Variants in AGBL4 observed in about 807,000 individuals in gnomAD.
AGBL4 encodes the protein cytosolic carboxypeptidase 6.
In AGBL4, 58 loss-of-function variants were observed where a neutral mutation model predicts 66.4. The ratio of observed to expected loss-of-function variants is 0.87; its 90% CI spans 0.71 to 1.09. The LOEUF (loss-of-function observed/expected upper bound fraction) is 1.09, where lower values mean the gene tolerates loss of function less well. AGBL4 is among the 50% of genes least tolerant of loss of function. AGBL4 has a pLI of 0.00. For synonymous variants in AGBL4, 234 were observed against 222.9 expected, an observed-to-expected ratio of 1.05 and a Z score of -0.44; for missense variants, 579 against 631.0, an observed-to-expected ratio of 0.92 and a Z score of 0.88.
intron 5 of AGBL4, among the ~76,000 whole-genome samples, chr1:48,875,036 CA>C (rs1649083424): frequency 6.6e-6 from 1 of 152,122 alleles, no homozygotes; most frequent in Non-Finnish European, 1.5e-5. Context: ...CAACAAATAC[CA>C]ATGAAGCATT....
At chr1:49,754,316 C>A (rs1226028940) in intron 2 of AGBL4, among the ~76,000 whole-genome samples, 2 of 147,640 alleles carry the variant, frequency 1.4e-5, no homozygotes, top group Non-Finnish European at 1.5e-5. Flanking sequence ...TATTATTATA[C>A]TCTAAGTTTT....
chr1:49,887,392 C>G (rs1203852985), intron 1 of AGBL4, among the ~76,000 whole-genome samples: 1 of 151,484 alleles, frequency 6.6e-6, no homozygotes, highest in East Asian at 1.9e-4. Context: ...AGTAGCTACC[C>G]ACAAGACAGC....
intron 3 of AGBL4, among the ~76,000 whole-genome samples, chr1:49,335,508 C>T (rs866836966): frequency 1.3e-5 from 2 of 151,926 alleles, no homozygotes; most frequent in Non-Finnish European, 2.9e-5. Context: ...AGAATAAAAT[C>T]TGAACTTTTT....
chr1:49,919,313 C>T (rs1571871762), intron 1 of AGBL4, among the ~76,000 whole-genome samples: 1 of 152,214 alleles, frequency 6.6e-6, no homozygotes. Flanking sequence ...TTGCAGATGA[C>T]ATAATTGTAC....
At chr1:49,627,472 T>G (rs866814881) in intron 3 of AGBL4, among the ~76,000 whole-genome samples, 1 of 152,094 alleles carries the variant, frequency 6.6e-6, no homozygotes, top group Non-Finnish European at 1.5e-5. Context: ...TCTTTGTTTC[T>G]AATCTTTCCC....
intron 3 of AGBL4, among the ~76,000 whole-genome samples, chr1:49,511,606 TA>T (rs902530171): frequency 2.6e-5 from 4 of 151,430 alleles, no homozygotes; most frequent in South Asian, 2.1e-4. Flanking sequence ...AAAGTATAAT[TA>T]AAAAAAATTT....
At chr1:49,751,551 T>A (rs1044821534) in intron 2 of AGBL4, among the ~76,000 whole-genome samples, 1 of 152,174 alleles carries the variant, frequency 6.6e-6, no homozygotes, top group Non-Finnish European at 1.5e-5. Flanking sequence ...TCTTTTGTGT[T>A]GGATCTCTAC....
At chr1:49,558,679 C>G (rs940924826) in intron 3 of AGBL4, among the ~76,000 whole-genome samples, 1 of 152,128 alleles carries the variant, frequency 6.6e-6, no homozygotes, top group Non-Finnish European at 1.5e-5. Flanking sequence ...TACAGCACCT[C>G]TGGACCTGCC....
At chr1:49,497,343 T>C (rs1417059880) in intron 3 of AGBL4, among the ~76,000 whole-genome samples, 1 of 152,036 alleles carries the variant, frequency 6.6e-6, no homozygotes, top group Non-Finnish European at 1.5e-5. Context: ...GATTGTTTTC[T>C]TTGCAGTGCT....
chr1:48,627,107 G>A (rs1645515768), intron 9 of AGBL4, among the ~76,000 whole-genome samples: 1 of 152,068 alleles, frequency 6.6e-6, no homozygotes, highest in Admixed American at 6.6e-5. Flanking sequence ...CAATGGACTC[G>A]AAAGCCTGTC....
At chr1:49,334,146 A>G (rs534582921) in intron 3 of AGBL4, among the ~76,000 whole-genome samples, 51 of 152,308 alleles carry the variant, frequency 3.3e-4, no homozygotes, top group African/African-American at 1.2e-3. Flanking sequence ...TCCATTCCAT[A>G]CTGACAAGCC....
At chr1:48,583,524 T>C (rs1172007750) in intron 11 of AGBL4, among the ~76,000 whole-genome samples, 2 of 152,222 alleles carry the variant, frequency 1.3e-5, no homozygotes, top group African/African-American at 2.4e-5. Flanking sequence ...GTTTGCATAA[T>C]ACCACATCTA....
intron 1 of AGBL4, among the ~76,000 whole-genome samples, chr1:49,954,733 A>C (rs1211707224): frequency 6.6e-6 from 1 of 151,968 alleles, no homozygotes; most frequent in Non-Finnish European, 1.5e-5. Flanking sequence ...TAGAAGATGC[A>C]ATCCACTCAT....
chr1:48,667,329 T>C (rs867162666), intron 6 of AGBL4, among the ~76,000 whole-genome samples: 18 of 152,316 alleles, frequency 1.2e-4, no homozygotes, highest in African/African-American at 4.1e-4. Context: ...GGAAGCCAAT[T>C]GCTATGTCAT....
downstream of AGBL4, among the ~76,000 whole-genome samples, chr1:48,531,084 G>GGGCTGC (rs906712293): frequency 6.6e-6 from 1 of 152,126 alleles, no homozygotes; most frequent in Non-Finnish European, 1.5e-5. Context: ...ACCACACAGA[G>GGGCTGC]GGCTGCTGAC....
intron 3 of AGBL4, among the ~76,000 whole-genome samples, chr1:49,556,219 G>A (rs1028790777): frequency 1.3e-5 from 2 of 152,108 alleles, no homozygotes; most frequent in African/African-American, 4.8e-5. Flanking sequence ...ATGAGTTCAT[G>A]TCCTTTGTAG....
intron 2 of AGBL4, among the ~76,000 whole-genome samples, chr1:49,748,752 T>C (rs896769472): frequency 7.2e-5 from 11 of 152,170 alleles, no homozygotes; most frequent in African/African-American, 2.4e-4. Flanking sequence ...ATTTCTCTAA[T>C]ACCATCGATG....
intron 2 of AGBL4, among the ~76,000 whole-genome samples, chr1:49,760,958 G>A (rs1652260592): frequency 6.6e-6 from 1 of 151,952 alleles, no homozygotes; most frequent in Non-Finnish European, 1.5e-5. Context: ...CTCATAAGTG[G>A]GACTTGAACA....
chr1:48,814,466 A>G (rs983273488), intron 6 of AGBL4, among the ~76,000 whole-genome samples: 1 of 152,156 alleles, frequency 6.6e-6, no homozygotes, highest in African/African-American at 2.4e-5. Context: ...GAAACATTCA[A>G]TATCATTGTT....
Sources: allele counts gnomAD v4.1 joint callset (sites outside exome capture counted in the v4.1 genomes callset), GRCh38; gene constraint gnomAD v4.1.1; transcripts MANE v1.5; gene names NCBI Gene and HGNC (gene_info 2026-07-23, HGNC 2026-07-21).